The following ADAMTSL1 variants were observed in gnomAD, a reference collection of about 807,000 sequenced individuals.
ADAMTSL1 encodes the protein ADAMTS-like protein 1.
In ADAMTSL1, 126 loss-of-function variants were observed where a neutral mutation model predicts 201.8. The ratio of observed to expected loss-of-function variants is 0.62; its 90% CI spans 0.54 to 0.72. ADAMTSL1 has a LOEUF of 0.72. Among genes scored for constraint, ADAMTSL1 ranks in the 30% least tolerant of loss-of-function variants. ADAMTSL1 has a pLI of 0.00. For missense variants in ADAMTSL1, 2,679 were observed against 2,277.8 expected (o/e 1.18, Z -3.59); for synonymous variants, 1,121 against 903.4 (o/e 1.24, Z -4.32).
intron 2 of ADAMTSL1, among the ~76,000 whole-genome samples, chr9:18,370,503 T>G (rs1020071528): frequency 1.3e-5 from 2 of 152,144 alleles, no homozygotes; most frequent in African/African-American, 4.8e-5. Context: ...GTAAAGCACT[T>G]AGCAGGGTGC....
intron 2 of ADAMTSL1, among the ~76,000 whole-genome samples, chr9:18,421,859 T>C (rs1818967298): frequency 6.6e-6 from 1 of 152,206 alleles, no homozygotes; most frequent in African/African-American, 2.4e-5. Flanking sequence ...ACCAATGGGA[T>C]ATTACTTTTA....
chr9:18,697,362 C>G (rs1343568034), intron 13 of ADAMTSL1, among the ~76,000 whole-genome samples: 4 of 152,106 alleles, frequency 2.6e-5, no homozygotes, highest in African/African-American at 4.8e-5. Context: ...ACCACCAGAC[C>G]TCTACAGGGA....
intron 2 of ADAMTSL1, among the ~76,000 whole-genome samples, chr9:18,301,986 G>A (rs560197381): frequency 6.6e-6 from 1 of 152,130 alleles, no homozygotes; most frequent in African/African-American, 2.4e-5. Flanking sequence ...GATCATAGAG[G>A]CCTCAGTATG....
chr9:18,118,657 A>G (rs1334283557), intron 1 of ADAMTSL1, among the ~76,000 whole-genome samples: 7 of 152,182 alleles, frequency 4.6e-5, no homozygotes, highest in Non-Finnish European at 1.0e-4. Context: ...GAATCATAGA[A>G]TGCAGATGGG....
chr9:18,399,318 T>TAA, intron 2 of ADAMTSL1, among the ~76,000 whole-genome samples: 1 of 100,770 alleles, frequency 9.9e-6, no homozygotes, highest in Non-Finnish European at 2.0e-5. Context: ...TATATATATA[T>TAA]ATATATATAT....
At chr9:18,906,584 T>C in intron 27 of ADAMTSL1, 108 bp from the exon 28 acceptor site, 2 of 906,118 alleles carry the variant, frequency 2.2e-6, no homozygotes, top group South Asian at 1.8e-5. Context: ...ACGCTGAAAG[T>C]TCTTGAGGAA....
At chr9:18,626,874 T>TCTTC (rs144729108) in intron 5 of ADAMTSL1, among the ~76,000 whole-genome samples, 6,153 of 112,918 alleles carry the variant, frequency 0.054, 188 homozygotes, top group Admixed American at 0.11. Flanking sequence ...TTTCTGTCTT[T>TCTTC]CTTCCTTCCT....
At chr9:18,169,541 G>T (rs1472095041) in intron 2 of ADAMTSL1, among the ~76,000 whole-genome samples, 26 of 152,214 alleles carry the variant, frequency 1.7e-4, no homozygotes, top group Non-Finnish European at 3.5e-4. Context: ...TTGTAGTATA[G>T]TTTGAAGTCA....
At chr9:18,701,689 T>C (rs1015194532) in intron 13 of ADAMTSL1, among the ~76,000 whole-genome samples, 2 of 152,164 alleles carry the variant, frequency 1.3e-5, no homozygotes, top group African/African-American at 4.8e-5. Flanking sequence ...TGAAAACCTA[T>C]ACCTAAATTG....
intron 2 of ADAMTSL1, among the ~76,000 whole-genome samples, chr9:18,253,991 A>T (rs886229844): frequency 6.6e-6 from 1 of 152,104 alleles, no homozygotes; most frequent in South Asian, 2.1e-4. Context: ...GTGCTGACCC[A>T]TCTGTGTGCA....
At chr9:17,908,230 T>G (rs1318274700) in intron 1 of ADAMTSL1, among the ~76,000 whole-genome samples, 1 of 152,142 alleles carries the variant, frequency 6.6e-6, no homozygotes, top group East Asian at 1.9e-4. Flanking sequence ...CAAGTTGTAT[T>G]CCCACCATGC....
At chr9:18,601,735 G>GTATAGTA (rs1291053944) in intron 4 of ADAMTSL1, among the ~76,000 whole-genome samples, 4 of 151,750 alleles carry the variant, frequency 2.6e-5, no homozygotes, top group African/African-American at 9.7e-5. Context: ...ATAGTATAAT[G>GTATAGTA]TAGCACATAT....
At chr9:18,625,337 GA>G (rs944723979) in intron 5 of ADAMTSL1, among the ~76,000 whole-genome samples, 1 of 151,580 alleles carries the variant, frequency 6.6e-6, no homozygotes, top group African/African-American at 2.4e-5. Flanking sequence ...GGAAAGTGGA[GA>G]AAAACCATGG....
At chr9:17,991,267 G>T (rs1819139239) in intron 1 of ADAMTSL1, among the ~76,000 whole-genome samples, 1 of 152,162 alleles carries the variant, frequency 6.6e-6, no homozygotes, top group African/African-American at 2.4e-5. Context: ...TGCTCTGGAA[G>T]CAGTGTACGT....
chr9:18,191,211 G>A (rs1164271270), intron 2 of ADAMTSL1, among the ~76,000 whole-genome samples: 3 of 152,110 alleles, frequency 2.0e-5, no homozygotes, highest in African/African-American at 4.8e-5. Flanking sequence ...GGGGATAGGG[G>A]TCAGGGAAAG....
At chr9:18,264,906 C>A (rs1832061564) in intron 2 of ADAMTSL1, among the ~76,000 whole-genome samples, 1 of 152,106 alleles carries the variant, frequency 6.6e-6, no homozygotes, top group Non-Finnish European at 1.5e-5. Context: ...CTTGCCAAGC[C>A]TTCATTTCTC....
intron 5 of ADAMTSL1, among the ~76,000 whole-genome samples, chr9:18,628,431 A>G (rs1308643324): frequency 6.6e-6 from 1 of 152,166 alleles, no homozygotes; most frequent in Non-Finnish European, 1.5e-5. Context: ...CTATTCTGCT[A>G]TGTGTCTGTC....
At chr9:18,720,202 A>T (rs888856486) in intron 14 of ADAMTSL1, among the ~76,000 whole-genome samples, 1 of 152,192 alleles carries the variant, frequency 6.6e-6, no homozygotes, top group African/African-American at 2.4e-5. Flanking sequence ...ATTTTTAAAT[A>T]TTAAGTCTAT....
intron 2 of ADAMTSL1, among the ~76,000 whole-genome samples, chr9:18,517,004 A>C (rs1033616076): frequency 1.3e-5 from 2 of 152,238 alleles, no homozygotes; most frequent in African/African-American, 4.8e-5. Flanking sequence ...TTTCTAGCTC[A>C]AGGCTTGTAT....
Sources: gnomAD v4.1 joint callset for allele counts (sites outside exome capture counted in the v4.1 genomes callset) on GRCh38, gnomAD v4.1.1 for gene constraint, MANE v1.5 for transcripts, NCBI Gene and HGNC (gene_info 2026-07-23, HGNC 2026-07-21) for gene names.